Variants in NUDT3 observed in about 807,000 individuals in gnomAD.
The protein encoded by NUDT3 is nudix hydrolase 3, also known as diphosphoinositol polyphosphate phosphohydrolase 1.
A neutral mutation model predicts 23.6 loss-of-function variants in NUDT3; 9 were observed. The observed-to-expected ratio is 0.38, with a 90% CI of 0.23 to 0.66. The LOEUF (loss-of-function observed/expected upper bound fraction) is 0.66. NUDT3 is among the 30% of genes least tolerant of loss of function. The pLI is 0.52. For missense variants in NUDT3, 172 were observed against 218.5 expected (o/e 0.79, Z 1.34); for synonymous variants, 86 against 82.6 (o/e 1.04, Z -0.22).
chr6:34,363,889 T>C (rs979648996), intron 1 of NUDT3, among the ~76,000 whole-genome samples: 12 of 151,902 alleles, frequency 7.9e-5, no homozygotes, highest in Non-Finnish European at 1.2e-4. Context: ...TCTCCTGCCT[T>C]AGCCTCCCAA....
At chr6:34,354,749 A>ATATATATATATATTTATTTATTTATT (rs570166534) in intron 1 of NUDT3, among the ~76,000 whole-genome samples, 2 of 144,540 alleles carry the variant, frequency 1.4e-5, no homozygotes, top group African/African-American at 5.1e-5. Flanking sequence ...ATATATATAT[A>ATATATATATATATTTATTTATTTATT]TATTTATTTA....
chr6:34,344,060 GA>G (rs1764328345), intron 1 of NUDT3, among the ~76,000 whole-genome samples: 1 of 152,182 alleles, frequency 6.6e-6, no homozygotes, highest in Admixed American at 6.5e-5. Context: ...AGGATATAGA[GA>G]AAATGGAACC....
chr6:34,372,662 G>T (rs1764850529), intron 1 of NUDT3, among the ~76,000 whole-genome samples: 1 of 151,986 alleles, frequency 6.6e-6, no homozygotes, highest in Non-Finnish European at 1.5e-5. Context: ...AAATTAGCCA[G>T]GTGTGGTGGT....
At chr6:34,321,520 A>G (rs1763942534) in intron 2 of NUDT3, among the ~76,000 whole-genome samples, 1 of 152,122 alleles carries the variant, frequency 6.6e-6, no homozygotes, top group African/African-American at 2.4e-5. Context: ...AATCTTGGCT[A>G]ATGTAGTAAG....
At chr6:34,314,205 T>C (rs1377088135) in intron 2 of NUDT3, among the ~76,000 whole-genome samples, 1 of 151,698 alleles carries the variant, frequency 6.6e-6, no homozygotes, top group Non-Finnish European at 1.5e-5. Flanking sequence ...GGTGGATCAC[T>C]TGAGGCCAGG....
At chr6:34,359,363 G>C (rs1470876734) in intron 1 of NUDT3, among the ~76,000 whole-genome samples, 1 of 152,094 alleles carries the variant, frequency 6.6e-6, no homozygotes, top group Non-Finnish European at 1.5e-5. Flanking sequence ...ACAAGAGCAA[G>C]ACTGCCTAAA....
intron 2 of NUDT3, among the ~76,000 whole-genome samples, chr6:34,315,054 T>C (rs1763838077): frequency 6.6e-6 from 1 of 152,200 alleles, no homozygotes; most frequent in South Asian, 2.1e-4. Flanking sequence ...ATAAGTTTAT[T>C]TAAATGGAAC....
chr6:34,385,686 CTTTT>C (rs541577321), intron 1 of NUDT3, among the ~76,000 whole-genome samples: 1 of 140,338 alleles, frequency 7.1e-6, no homozygotes, highest in Non-Finnish European at 1.6e-5. Flanking sequence ...GCAGTAATTT[CTTTT>C]TTTTTTTTTT....
intron 2 of NUDT3, among the ~76,000 whole-genome samples, chr6:34,316,363 T>C (rs1044729136): frequency 1.3e-5 from 2 of 152,118 alleles, no homozygotes; most frequent in Non-Finnish European, 2.9e-5. Context: ...CCAAATGAAA[T>C]GAACACTTTA....
At chr6:34,309,510 A>G (rs1414346872) in intron 2 of NUDT3, among the ~76,000 whole-genome samples, 1 of 152,044 alleles carries the variant, frequency 6.6e-6, no homozygotes, top group Non-Finnish European at 1.5e-5. Context: ...CCAAGTAAGC[A>G]TAAGAAAATA....
rs1390851577 is a variant in NUDT3, at chr6:34,285,845, CCT to C, written c.*2906_*2907del. On this transcript the variant is annotated 3_prime_UTR_variant, in exon 5 of 5. Transcript: ENST00000607016. Reference sequence around the variant, plus strand: ...TCAACAATTCTGATGTTGGACAAAGCCTCTTTTTGTCAGTTAAGAAAGCGTAA... The same window carrying C: ...TCAACAATTCTGATGTTGGACAAAGCCTTTTTGTCAGTTAAGAAAGCGTAA... 1.3e-5 allele frequency: 2 copies of C among 152,166 alleles called. No individual in the cohort carries two copies. The highest frequency in any genetic ancestry group is 1.3e-4 in the Admixed American group (2 of 15,268). 9.4% of individuals were successfully genotyped at this position (152,166 alleles called of 1,614,324 possible).
At chr6:34,367,940 C>T (rs1306477708) in intron 1 of NUDT3, among the ~76,000 whole-genome samples, 2 of 152,200 alleles carry the variant, frequency 1.3e-5, no homozygotes, top group South Asian at 2.1e-4. Context: ...CAGTGGCTCA[C>T]GCCTGTAATT....
rs1265216634 is a variant in NUDT3, at chr6:34,350,151, A to C, written c.100-8179T>G. 7.9e-5 allele frequency among the ~76,000 whole-genome samples: 12 copies of C among 150,962 alleles called. 1 individual carries two copies. The highest frequency in any genetic ancestry group is 3.0e-4 in the African/African-American group (12 of 40,636). ...TATGGTGATAATCTATGCCATAGGA[A>C]ATCTTGATTAACAAACTACATGACT... On this transcript the variant is annotated intron_variant, in intron 1 of 4. Transcript: ENST00000607016.
At chr6:34,382,328 G>A (rs367569670) in intron 1 of NUDT3, among the ~76,000 whole-genome samples, 47 of 152,038 alleles carry the variant, frequency 3.1e-4, no homozygotes, top group African/African-American at 9.4e-4. Flanking sequence ...ACTTGCGCCC[G>A]GAAGGTTGGG....
rs1763276192 is a variant in NUDT3 at position 34,281,365 on chromosome 6, T to C, written c.*7388A>G. 1 of 152,212 alleles carries C rather than the reference T, an allele frequency of 6.6e-6. No homozygotes were observed. The allele number at this position is 152,212 out of a possible 1,614,324, so 9.4% of individuals were successfully genotyped here. ...CTACTGGCCTTCCACTTCCTCTCTC[T>C]GATACACCTAAGAAGGTGAGAGACA... On this transcript the variant is annotated 3_prime_UTR_variant, in exon 5 of 5. Transcript: ENST00000607016.
chr6:34,392,147 A>C (rs770745554), intron 1 of NUDT3, 117 bp downstream of exon 1: 104 of 693,076 alleles, frequency 1.5e-4, no homozygotes, highest in Non-Finnish European at 2.3e-4. Context: ...TCGGAACTTC[A>C]TTCCGCCCGA....
At chr6:34,339,911 G>A (rs1017424826) in intron 2 of NUDT3, among the ~76,000 whole-genome samples, 8 of 152,094 alleles carry the variant, frequency 5.3e-5, no homozygotes, top group African/African-American at 1.9e-4. Flanking sequence ...AAGTCTAAGA[G>A]GTTTCTCAAA....
intron 2 of NUDT3, among the ~76,000 whole-genome samples, chr6:34,307,796 C>T (rs1255756333): frequency 1.3e-5 from 2 of 151,998 alleles, no homozygotes; most frequent in South Asian, 2.1e-4. Context: ...TCCAACTACA[C>T]TTTAAACATC....
chr6:34,366,896 A>T (rs947699585), intron 1 of NUDT3, among the ~76,000 whole-genome samples: 2 of 151,456 alleles, frequency 1.3e-5, no homozygotes, highest in African/African-American at 2.4e-5. Context: ...TACCACAATT[A>T]AAAAAAAATT....
Sources: gnomAD v4.1 joint callset for allele counts (sites outside exome capture counted in the v4.1 genomes callset) on GRCh38, gnomAD v4.1.1 for gene constraint, MANE v1.5 for transcripts, NCBI Gene and HGNC (gene_info 2026-07-23, HGNC 2026-07-21) for gene names.